ZFHX3: variants seen among roughly 807,000 people sequenced by gnomAD.
ZFHX3 encodes zinc finger homeobox protein 3.
In ZFHX3, 42 loss-of-function variants were observed where a neutral mutation model predicts 279.1. The observed-to-expected ratio is 0.15, with a 90% CI of 0.12 to 0.19. The LOEUF is 0.19. ZFHX3 is among the 10% of genes least tolerant of loss of function. ZFHX3 has a pLI of 1.00. For missense variants in ZFHX3, 4,981 were observed against 4,754.0 expected (o/e 1.05, Z -1.40); for synonymous variants, 2,293 against 1,957.8 (o/e 1.17, Z -4.52).
At chr16:73,536,928 T>C (rs1197918881) in intron 2 of ZFHX3, among the ~76,000 whole-genome samples, 1 of 152,046 alleles carries the variant, frequency 6.6e-6, no homozygotes, top group Non-Finnish European at 1.5e-5. Context: ...TCAATGACAT[T>C]CTTTATTAAA....
At chr16:72,790,193 C>G (rs1339404412) in intron 9 of ZFHX3, 1 of 152,322 alleles carries the variant, frequency 6.6e-6, no homozygotes, top group Non-Finnish European at 1.5e-5. Context: ...TTGAGACTAG[C>G]AAGATAGTAG....
intron 1 of ZFHX3, among the ~76,000 whole-genome samples, chr16:72,993,787 A>C (rs1290482808): frequency 6.6e-6 from 1 of 152,050 alleles, no homozygotes; most frequent in African/African-American, 2.4e-5. Context: ...TAGCTTTCCC[A>C]CGTGGACCAG....
At chr16:73,669,001 T>G (rs1272504836) in intron 2 of ZFHX3, among the ~76,000 whole-genome samples, 1 of 151,938 alleles carries the variant, frequency 6.6e-6, no homozygotes, top group East Asian at 1.9e-4. Flanking sequence ...GATCTTTGTA[T>G]TTTCTTTTGT....
chr16:72,897,098 C>G (rs184201741), intron 3 of ZFHX3, among the ~76,000 whole-genome samples: 9 of 152,208 alleles, frequency 5.9e-5, no homozygotes, highest in Admixed American at 1.3e-4. Context: ...CAGAAAACCC[C>G]TGAGACACCT....
chr16:73,112,596 C>T (rs1037735620), intron 7 of ZFHX3, among the ~76,000 whole-genome samples: 1 of 151,340 alleles, frequency 6.6e-6, no homozygotes, highest in African/African-American at 2.4e-5. Flanking sequence ...GTCTGTAATC[C>T]CAGCTACTCG....
chr16:72,824,663 T>C (rs2143692918), intron 5 of ZFHX3, among the ~76,000 whole-genome samples: 1 of 152,214 alleles, frequency 6.6e-6, no homozygotes, highest in East Asian at 1.9e-4. Flanking sequence ...ACTACAGGAA[T>C]TAAATAACCA....
chr16:73,456,126 T>A (rs571074342), exon 3 of ZFHX3: 1 of 151,902 alleles, frequency 6.6e-6, no homozygotes, highest in Admixed American at 6.6e-5. Context: ...GGCAGCAGAG[T>A]CCTCCTCAGG....
intron 7 of ZFHX3, among the ~76,000 whole-genome samples, chr16:72,800,563 G>A (rs1258054098): frequency 6.6e-6 from 1 of 152,140 alleles, no homozygotes; most frequent in Non-Finnish European, 1.5e-5. Context: ...GAGCATTGTA[G>A]TACTGTTTTC....
chr16:73,797,507 G>A (rs1183826227), intron 1 of ZFHX3, among the ~76,000 whole-genome samples: 1 of 152,182 alleles, frequency 6.6e-6, no homozygotes, highest in Admixed American at 6.5e-5. Context: ...GTTCCGCAGA[G>A]GTTTAGGCCC....
chr16:73,751,606 A>G (rs920940060), intron 1 of ZFHX3, among the ~76,000 whole-genome samples: 1 of 152,196 alleles, frequency 6.6e-6, no homozygotes, highest in Non-Finnish European at 1.5e-5. Context: ...TTTAAGTAAC[A>G]TTTTTTAAAT....
At chr16:73,147,304 C>G (rs1469583755) in intron 5 of ZFHX3, among the ~76,000 whole-genome samples, 1 of 152,138 alleles carries the variant, frequency 6.6e-6, no homozygotes, top group Non-Finnish European at 1.5e-5. Context: ...CAAATTCAAC[C>G]TTCAAAACAC....
intron 1 of ZFHX3, among the ~76,000 whole-genome samples, chr16:73,045,805 T>TG (rs370846607): frequency 0.033 from 3,686 of 111,878 alleles, 268 homozygotes; most frequent in East Asian, 0.19. Context: ...AAAAAAAAAG[T>TG]GGGGGGGGGT....
At chr16:73,642,741 C>T (rs1044791218) in intron 2 of ZFHX3, among the ~76,000 whole-genome samples, 4 of 152,118 alleles carry the variant, frequency 2.6e-5, no homozygotes, top group East Asian at 1.9e-4. Context: ...CCTGAACAGA[C>T]GCTGTTTTTC....
At chr16:72,864,820 C>A (rs1026977980) in intron 4 of ZFHX3, among the ~76,000 whole-genome samples, 1 of 152,178 alleles carries the variant, frequency 6.6e-6, no homozygotes, top group Non-Finnish European at 1.5e-5. Flanking sequence ...TTGGAAACAT[C>A]CAGATGTTAG....
intron 2 of ZFHX3, among the ~76,000 whole-genome samples, chr16:73,575,298 C>G (rs1294375889): frequency 1.3e-5 from 2 of 152,200 alleles, no homozygotes; most frequent in African/African-American, 2.4e-5. Context: ...TATTTAAAAA[C>G]CAAAGGTTCA....
intron 3 of ZFHX3, among the ~76,000 whole-genome samples, chr16:72,929,992 C>A (rs1216311636): frequency 6.6e-6 from 1 of 152,108 alleles, no homozygotes; most frequent in Non-Finnish European, 1.5e-5. Context: ...CCGAAGTGGG[C>A]GGATCACTGG....
At chr16:73,116,931 T>C (rs1966439138) in intron 7 of ZFHX3, among the ~76,000 whole-genome samples, 1 of 152,212 alleles carries the variant, frequency 6.6e-6, no homozygotes. Flanking sequence ...GAACATTGTC[T>C]GTCTAAGCAA....
intron 1 of ZFHX3, among the ~76,000 whole-genome samples, chr16:73,842,388 A>G (rs1369489890): frequency 6.6e-6 from 1 of 152,088 alleles, no homozygotes; most frequent in African/African-American, 2.4e-5. Context: ...ATTACCCCCC[A>G]GCCTTAAGTT....
intron 5 of ZFHX3, among the ~76,000 whole-genome samples, chr16:73,180,744 C>G (rs992939261): frequency 1.3e-5 from 2 of 152,008 alleles, no homozygotes; most frequent in Non-Finnish European, 2.9e-5. Flanking sequence ...CTCACTGCAA[C>G]CTCCGCTTCC....
Sources: allele counts gnomAD v4.1 joint callset (sites outside exome capture counted in the v4.1 genomes callset), GRCh38; gene constraint gnomAD v4.1.1; transcripts MANE v1.5; gene names NCBI Gene and HGNC (gene_info 2026-07-23, HGNC 2026-07-21).